Variants in MATN2 observed in about 807,000 individuals in gnomAD.
The protein encoded by MATN2 is matrilin 2, also known as matrilin-2.
In MATN2, 69 loss-of-function variants were observed where a neutral mutation model predicts 103.2. The observed-to-expected ratio is 0.67, with a 90% confidence interval of 0.55 to 0.82. The LOEUF (loss-of-function observed/expected upper bound fraction) is 0.82, where lower values mean the gene tolerates loss of function less well. Among genes scored for constraint, MATN2 ranks in the 40% least tolerant of loss-of-function variants. The pLI is 0.00. For missense variants in MATN2, 1,023 were observed against 1,211.5 expected, an observed-to-expected ratio of 0.84 and a Z score of 2.31; for synonymous variants, 429 against 450.2, an observed-to-expected ratio of 0.95 and a Z score of 0.60.
intron 5 of MATN2, among the ~76,000 whole-genome samples, chr8:97,975,379 C>G (rs1300553800): frequency 6.6e-6 from 1 of 152,194 alleles, no homozygotes; most frequent in Non-Finnish European, 1.5e-5. Context: ...GATTCAAAGC[C>G]TAAGCCAAGC....
intron 18 of MATN2, chr8:98,034,274 T>C (rs1002051688): frequency 4.7e-6 from 2 of 429,722 alleles, no homozygotes; most frequent in Admixed American, 2.6e-5. Flanking sequence ...AAAGGAATGC[T>C]TGGGGATAAT....
intron 6 of MATN2, among the ~76,000 whole-genome samples, chr8:97,990,745 T>C (rs142308983): frequency 1.3e-5 from 2 of 152,348 alleles, no homozygotes; most frequent in East Asian, 1.9e-4. Flanking sequence ...TATGATTACA[T>C]TTATTTAAAG....
chr8:97,926,003 T>C (rs5012370), intron 2 of MATN2, among the ~76,000 whole-genome samples: 99,830 of 152,078 alleles, frequency 0.66, 33,440 homozygotes, highest in East Asian at 0.92. Context: ...ATAGTTCTGA[T>C]GTTGCACATT....
chr8:97,924,984 A>G (rs1368160883), intron 2 of MATN2, among the ~76,000 whole-genome samples: 1 of 152,236 alleles, frequency 6.6e-6, no homozygotes, highest in Non-Finnish European at 1.5e-5. Context: ...TAGTGATAAA[A>G]GAAAAAACTC....
intron 2 of MATN2, among the ~76,000 whole-genome samples, chr8:97,908,964 G>T (rs1401893953): frequency 1.3e-5 from 2 of 151,356 alleles, no homozygotes; most frequent in African/African-American, 4.9e-5. Flanking sequence ...TTTGAGACAG[G>T]GTCTCACTCT....
chr8:98,000,370 G>A (rs922445077), intron 7 of MATN2, among the ~76,000 whole-genome samples: 1 of 151,460 alleles, frequency 6.6e-6, no homozygotes, highest in Non-Finnish European at 1.5e-5. Context: ...AGGCTGAGGC[G>A]GGTGGATCAC....
chr8:97,920,935 G>T (rs1809786586), intron 2 of MATN2, among the ~76,000 whole-genome samples: 1 of 152,182 alleles, frequency 6.6e-6, no homozygotes, highest in South Asian at 2.1e-4. Context: ...TGCCAGGGCT[G>T]GGGACATGGG....
At chr8:97,869,637 T>C (rs1258117702) in intron 1 of MATN2, among the ~76,000 whole-genome samples, 1 of 152,202 alleles carries the variant, frequency 6.6e-6, no homozygotes, top group African/African-American at 2.4e-5. Flanking sequence ...GGGAGACCTG[T>C]TGAGCGGGTA....
chr8:97,909,003 A>G (rs1819274142), intron 2 of MATN2, among the ~76,000 whole-genome samples: 1 of 151,550 alleles, frequency 6.6e-6, no homozygotes, highest in Admixed American at 6.6e-5. Flanking sequence ...CAGTGCCCTG[A>G]TCTTGGCTTA....
intron 2 of MATN2, among the ~76,000 whole-genome samples, chr8:97,921,163 C>T (rs1809794698): frequency 6.6e-6 from 1 of 152,236 alleles, no homozygotes; most frequent in Admixed American, 6.5e-5. Flanking sequence ...TTAACAGTTC[C>T]TCCCAGCATC....
intron 15 of MATN2, 91 bp from the exon 16 acceptor site, chr8:98,032,155 G>A: frequency 1.0e-6 from 1 of 966,788 alleles, no homozygotes; most frequent in South Asian, 1.5e-5. Flanking sequence ...ATGGCAGGTA[G>A]GTAAGGAGGT....
chr8:97,892,736 A>T (rs1456424494), intron 2 of MATN2, among the ~76,000 whole-genome samples: 2 of 152,222 alleles, frequency 1.3e-5, no homozygotes, highest in Non-Finnish European at 2.9e-5. Context: ...TATACCCACA[A>T]GAGAATGAGA....
At chr8:98,008,397 T>C (rs1437263667) in intron 10 of MATN2, among the ~76,000 whole-genome samples, 1 of 152,208 alleles carries the variant, frequency 6.6e-6, no homozygotes, top group Admixed American at 6.5e-5. Context: ...CCACCATTTA[T>C]CTTCCCCAGC....
At chr8:97,934,825 C>T (rs1311751209) in intron 3 of MATN2, among the ~76,000 whole-genome samples, 2 of 152,226 alleles carry the variant, frequency 1.3e-5, no homozygotes, top group Non-Finnish European at 2.9e-5. Flanking sequence ...ATAAGGTGAA[C>T]ATAGAGTAGC....
Position 97,978,895 on chromosome 8 carries a change from A to G in MATN2, c.968A>G (p.Tyr323Cys). 6.2e-7 allele frequency: 1 copy of G among 1,613,862 alleles called. No individual in the cohort carries two copies. Among genetic ancestry groups the G allele is most frequent in the Non-Finnish European group, 8.5e-7 (1 of 1,179,794 alleles). The change falls in exon 6 of 19, where the codon TAC (tyrosine) becomes TGC (cysteine). Residue 323 changes from tyrosine (Y) to cysteine (C), a missense_variant. By Grantham distance (194) the Tyr-to-Cys change is radical. Transcript: ENST00000254898. Reference protein sequence around the residue: ...EDGKRCVAVDYCASENHGCEH... With the variant: ...EDGKRCVAVDCCASENHGCEH... ...GTTTTATTCTCTCCAGCTGTGGACT[A>G]CTGTGCCTCAGAAAACCACGGATGT...
At chr8:97,919,151 C>T (rs1479151554) in intron 2 of MATN2, among the ~76,000 whole-genome samples, 1 of 152,198 alleles carries the variant, frequency 6.6e-6, no homozygotes, top group Non-Finnish European at 1.5e-5. Context: ...GATGGTCTCT[C>T]AGGCTCACAT....
At chr8:98,009,290 T>G (rs1232738519) in intron 10 of MATN2, among the ~76,000 whole-genome samples, 1 of 152,186 alleles carries the variant, frequency 6.6e-6, no homozygotes, top group Non-Finnish European at 1.5e-5. Flanking sequence ...CCTGTAATAA[T>G]GGGCTAGGTT....
intron 3 of MATN2, among the ~76,000 whole-genome samples, chr8:97,936,116 C>G (rs1678179676): frequency 6.6e-6 from 1 of 152,144 alleles, no homozygotes; most frequent in Non-Finnish European, 1.5e-5. Context: ...AGGCCAGGTG[C>G]CCTGTGAATT....
At chr8:97,952,004 G>T (rs958073216) in intron 4 of MATN2, 5 of 152,188 alleles carry the variant, frequency 3.3e-5, no homozygotes, top group Admixed American at 1.3e-4. Context: ...CGAGGCTGAT[G>T]ACTCATTTAC....
Sources: allele counts gnomAD v4.1 joint callset (sites outside exome capture counted in the v4.1 genomes callset), GRCh38; gene constraint gnomAD v4.1.1; transcripts MANE v1.5; gene names NCBI Gene and HGNC (gene_info 2026-07-23, HGNC 2026-07-21).